Variants in SAP130 observed in about 807,000 individuals in gnomAD.
SAP130 encodes the protein histone deacetylase complex subunit SAP130.
SAP130 carries 16 observed loss-of-function variants against 103.2 expected under a neutral mutation model. The observed-to-expected ratio is 0.16, with a 90% CI of 0.10 to 0.24. SAP130 has a LOEUF of 0.24. SAP130 is among the 10% of genes least tolerant of loss of function. The pLI is 1.00. For synonymous variants in SAP130, 477 were observed against 497.0 expected, an observed-to-expected ratio of 0.96 and a Z score of 0.53; for missense variants, 990 against 1,359.7, an observed-to-expected ratio of 0.73 and a Z score of 4.28.
chr2:128,027,103 G>A (rs773840502), intron 1 of SAP130: 5 of 1,416,218 alleles, frequency 3.5e-6, no homozygotes, highest in Admixed American at 2.4e-5. Context: ...TGTAGCCGCC[G>A]CCCGCCGCCC....
At chr2:127,970,541 TAAAA>T (rs70985493) in intron 15 of SAP130, among the ~76,000 whole-genome samples, 1 of 80,022 alleles carries the variant, frequency 1.2e-5, no homozygotes, top group East Asian at 3.7e-4. Flanking sequence ...GACTCTGTCT[TAAAA>T]AAAAAAAAAA....
At chr2:127,976,332 T>C (rs1404379133) in intron 15 of SAP130, among the ~76,000 whole-genome samples, 1 of 152,232 alleles carries the variant, frequency 6.6e-6, no homozygotes, top group East Asian at 1.9e-4. Context: ...CATTACTTTT[T>C]ATTCCCTTTA....
At position 128,010,166 on chromosome 2, in the gene SAP130, A is replaced by G. The variant is rs192827460; in HGVS notation, c.869+103T>C. The stretch of plus-strand genomic sequence containing the variant: ...CACTACATAGCTCATTATAAAAAAA[A>G]AAAGCCACTCAATAAATATTTACTT... On this transcript the variant is annotated intron_variant, in intron 7 of 20. Coordinates refer to ENST00000643581, the MANE Select transcript of SAP130 (RefSeq NM_001330301.2). 652 of 1,310,764 alleles carry G rather than the reference A, an allele frequency of 5.0e-4. 4 individuals carry two copies. The African/African-American group carries it at 8.8e-3, about 18-fold the overall frequency. 81.2% of individuals were successfully genotyped at this position (1,310,764 alleles called of 1,614,324 possible).
chr2:128,027,800 G>A, intron 1 of SAP130, 140 bp downstream of exon 1: 1 of 512,282 alleles, frequency 2.0e-6, no homozygotes, highest in Non-Finnish European at 2.5e-6. Flanking sequence ...TCGCGAAAGA[G>A]CCGCGGTCCG....
chr2:127,988,552 C>CA (rs1329307527), intron 13 of SAP130, among the ~76,000 whole-genome samples: 184 of 144,956 alleles, frequency 1.3e-3, no homozygotes, highest in Non-Finnish European at 2.0e-3. Context: ...TAAATTCAGC[C>CA]AAAAAAAAAA....
At chr2:127,981,185 C>G (rs1270073035) in intron 14 of SAP130, among the ~76,000 whole-genome samples, 1 of 151,918 alleles carries the variant, frequency 6.6e-6, no homozygotes, top group Non-Finnish European at 1.5e-5. Flanking sequence ...AGTAACTGTC[C>G]AGTTACAGGA....
At position 127,942,467 on chromosome 2, in the gene SAP130, G is replaced by C; in HGVS notation, c.2972C>G (p.Ala991Gly). 1 of 1,613,894 alleles carries C rather than the reference G, an allele frequency of 6.2e-7. No individual in the cohort carries two copies. Among genetic ancestry groups the C allele is most frequent in the Non-Finnish European group, 8.5e-7 (1 of 1,179,814 alleles). The change falls in exon 20 of 21, where the codon GCA (alanine) becomes GGA (glycine). Residue 991 changes from alanine to glycine, a missense_variant. Ala to Gly is a moderately conservative substitution (Grantham distance 60). This residue lies in a region of SAP130 where 69 missense variants were observed against 165.7 expected (regional missense o/e 0.42). Coordinates refer to ENST00000643581, the MANE Select transcript of SAP130 (RefSeq NM_001330301.2). The surrounding 1 kb of genome is among the most constrained non-coding windows in gnomAD (Gnocchi z 4.8). The part of the protein sequence containing the change: ...LQEGIIPKKK[A>G]ATDDDLHRIN... ...TCGGTGGAGATCATCATCTGTTGCT[G>C]CTTTTTTCTTTGGGATAATCCCTTC... is the stretch of plus-strand genomic sequence containing the variant.
chr2:127,978,165 T>G (rs981161700), intron 14 of SAP130, 76 bp from the exon 15 acceptor site: 1 of 1,046,032 alleles, frequency 9.6e-7, no homozygotes, highest in Non-Finnish European at 1.5e-6. Context: ...GGATGCACAT[T>G]TGCCAGGCAT....
chr2:127,989,750 T>C lies in SAP130; in HGVS notation c.1594A>G (p.Ile532Val), dbSNP rs753329064. Residue 532 changes from isoleucine (I) to valine (V), a missense_variant, in exon 13 of 21, where the codon ATT becomes GTT. Ile to Val is a conservative substitution (Grantham distance 29). This residue lies in a region of SAP130 where 336 missense variants were observed against 520.1 expected (regional missense o/e 0.65). Coordinates refer to ENST00000643581, the MANE Select transcript of SAP130 (RefSeq NM_001330301.2). This position sits in a 1 kb window ranked among gnomAD's most constrained non-coding sequence, Gnocchi z 4.6. ...ATGGGTGCTGGCTGGATCCCTTGAATATGTCGAGCATGCGATGCATCCACT... is the reference window on the plus strand; with the variant it reads ...ATGGGTGCTGGCTGGATCCCTTGAACATGTCGAGCATGCGATGCATCCACT... The part of the protein sequence containing the change: ...MTVDASHARH[I>V]QGIQPAPIST... The C allele has an allele frequency of 1.2e-6, 2 of 1,614,182 alleles. No individual in the cohort carries two copies. Among genetic ancestry groups the C allele is most frequent in the African/African-American group, 2.7e-5 (2 of 75,034 alleles).
intron 16 of SAP130, among the ~76,000 whole-genome samples, chr2:127,952,480 C>T (rs965164971): frequency 6.6e-6 from 1 of 150,960 alleles, no homozygotes; most frequent in African/African-American, 2.4e-5. Flanking sequence ...ATCTTCTTGA[C>T]ATCATGTCAC....
intron 6 of SAP130, 134 bp from the exon 7 acceptor site, chr2:128,010,527 C>CTAAT: frequency 1.1e-6 from 1 of 916,332 alleles, no homozygotes; most frequent in Non-Finnish European, 1.6e-6. Flanking sequence ...TCTCACCATT[C>CTAAT]CAATTAAGGA....
chr2:128,021,020 T>C (rs1036638953), intron 2 of SAP130, among the ~76,000 whole-genome samples: 3 of 152,126 alleles, frequency 2.0e-5, no homozygotes, highest in Admixed American at 6.5e-5. Flanking sequence ...TTCTATTGTA[T>C]AGATGTACTA....
chr2:128,017,134 C>A (rs1038763687), intron 3 of SAP130, among the ~76,000 whole-genome samples: 2 of 152,128 alleles, frequency 1.3e-5, no homozygotes, highest in Non-Finnish European at 2.9e-5. Context: ...CCAGCCTGGC[C>A]GACATGGTGA....
intron 14 of SAP130, among the ~76,000 whole-genome samples, chr2:127,980,889 C>T (rs1417605161): frequency 2.5e-5 from 2 of 78,600 alleles, no homozygotes; most frequent in East Asian, 4.4e-4. Flanking sequence ...AGAGTGAGAC[C>T]CCCATCTCAA....
In SAP130 at chr2:128,013,047, T is replaced by G; in HGVS notation, c.727A>C (p.Ile243Leu). The G allele has an allele frequency of 6.2e-7, 1 of 1,610,770 alleles. No individual in the cohort carries two copies. Among genetic ancestry groups the G allele is most frequent in the Non-Finnish European group, 8.5e-7 (1 of 1,178,564 alleles). ...CGACGTGCCTGGATTGGTTGGTGAA[T>G]GATGTGCTGTACTGCTGGCTGAGCA... The part of the protein sequence containing the change: ...ATAQPAVQHI[I>L]HQPIQSRPPV... Residue 243 changes from isoleucine to leucine, a missense_variant, in exon 6 of 21, where the codon ATT (isoleucine) becomes CTT (leucine). This residue lies in a region of SAP130 where 336 missense variants were observed against 520.1 expected (regional missense o/e 0.65). Coordinates refer to ENST00000643581, the MANE Select transcript of SAP130 (RefSeq NM_001330301.2).
At chr2:127,973,652 C>T (rs1681251289) in intron 15 of SAP130, among the ~76,000 whole-genome samples, 1 of 152,214 alleles carries the variant, frequency 6.6e-6, no homozygotes, top group Non-Finnish European at 1.5e-5. Flanking sequence ...CTGCTATTCT[C>T]ATAGCTTTCC....
chr2:128,026,107 G>T, intron 2 of SAP130, 74 bp downstream of exon 2: 1 of 967,450 alleles, frequency 1.0e-6, no homozygotes, highest in Non-Finnish European at 1.6e-6. Context: ...AGAAGAATCT[G>T]CTAATTTTTA....
intron 7 of SAP130, 40 bp downstream of exon 7, chr2:128,010,229 G>A (rs1684287619): frequency 2.5e-6 from 4 of 1,577,868 alleles, no homozygotes; most frequent in African/African-American, 2.7e-5. Context: ...GAAGGAGGAG[G>A]ATGGCAGGAA....
Position 127,941,611 on chromosome 2 carries a change from C to CA in SAP130, c.*394dup. On this transcript the variant is annotated 3_prime_UTR_variant, in exon 21 of 21. Coordinates refer to ENST00000643581, the MANE Select transcript of SAP130 (RefSeq NM_001330301.2). ...TTTTATTTTCAGTGTAGAGAGATAA[C>CA]AGATGGTCCGAGTGGATACTTTCAG... 5.3e-6 allele frequency: 1 copy of CA among 189,926 alleles called. No homozygotes were observed. Among genetic ancestry groups the CA allele is most frequent in the Admixed American group, 6.4e-5 (1 of 15,740 alleles). The allele number at this position is 189,926 out of a possible 1,614,324, so 11.8% of individuals were successfully genotyped here.
Sources: allele counts gnomAD v4.1 joint callset (sites outside exome capture counted in the v4.1 genomes callset), GRCh38; gene constraint gnomAD v4.1.1; regional missense constraint gnomAD v4.1.1; non-coding constraint Gnocchi (gnomAD v3.1); transcripts MANE v1.5; gene names NCBI Gene and HGNC (gene_info 2026-07-23, HGNC 2026-07-21).